TNR: variants seen among roughly 807,000 people sequenced by gnomAD.
TNR encodes tenascin R, also known as tenascin-R.
A neutral mutation model predicts 150.4 loss-of-function variants in TNR; 45 were observed. That is an observed-to-expected ratio of 0.30 (90% CI 0.24 to 0.38). The LOEUF is 0.38. Ranked by LOEUF, TNR falls within the 10% of genes least tolerant of loss-of-function variation. The probability of loss-of-function intolerance (pLI) is 1.00; values close to 1 mark genes in which losing one functional copy is unlikely to be tolerated. For missense variants in TNR, 1,544 were observed against 1,759.1 expected, an observed-to-expected ratio of 0.88 and a Z score of 2.19; for synonymous variants, 687 against 678.4, an observed-to-expected ratio of 1.01 and a Z score of -0.20.
intron 1 of TNR, among the ~76,000 whole-genome samples, chr1:175,557,799 G>C (rs1330438133): frequency 1.5e-5 from 2 of 132,532 alleles, no homozygotes; most frequent in East Asian, 2.2e-4. Flanking sequence ...TATAAATCAT[G>C]CTGCTATAAA....
At chr1:175,468,198 A>G (rs1229809750) in intron 2 of TNR, among the ~76,000 whole-genome samples, 1 of 152,204 alleles carries the variant, frequency 6.6e-6, no homozygotes, top group Non-Finnish European at 1.5e-5. Context: ...TGAAGGAGAT[A>G]GCACAGAGTG....
At chr1:175,325,261 T>TA (rs919338189) in intron 21 of TNR, among the ~76,000 whole-genome samples, 55 of 152,118 alleles carry the variant, frequency 3.6e-4, no homozygotes, top group African/African-American at 1.2e-3. Flanking sequence ...AACAGACACA[T>TA]AAAAAATGCT....
rs1660845040 is a variant in TNR at position 175,549,377 on chromosome 1, CA to C, written c.-164-21009del. 2.0e-5 allele frequency among the ~76,000 whole-genome samples: 3 copies of C among 152,322 alleles called. No individual in the cohort carries two copies. The South Asian group carries it at 6.2e-4, about 32-fold the overall frequency. Reference sequence around the variant, plus strand: ...GATGAGGGTATGAGAACCTTCTAATCAAACACGGTGGATTAGACATACATAG... The same window carrying C: ...GATGAGGGTATGAGAACCTTCTAATCAACACGGTGGATTAGACATACATAG... On this transcript the variant is annotated intron_variant, in intron 1 of 22. Coordinates refer to ENST00000367674, the MANE Select transcript of TNR (RefSeq NM_003285.3).
chr1:175,358,962 G>T (rs908821045), intron 15 of TNR, among the ~76,000 whole-genome samples: 1 of 152,010 alleles, frequency 6.6e-6, no homozygotes, highest in Non-Finnish European at 1.5e-5. Context: ...AGAAAAGCCT[G>T]CTTTCTTGTT....
At chr1:175,391,504 A>C in intron 6 of TNR, 66 bp from the exon 7 acceptor site, 1 of 1,535,760 alleles carries the variant, frequency 6.5e-7, no homozygotes, top group Non-Finnish European at 8.9e-7. Flanking sequence ...TGATGAGAGA[A>C]AGATAAAGGT....
intron 2 of TNR, among the ~76,000 whole-genome samples, chr1:175,516,250 T>G (rs1346603124): frequency 1.3e-5 from 2 of 152,200 alleles, no homozygotes; most frequent in African/African-American, 4.8e-5. Flanking sequence ...TTGATACAAA[T>G]GATTTGTTTC....
chr1:175,476,829 G>A (rs1657562188), intron 2 of TNR, among the ~76,000 whole-genome samples: 1 of 152,198 alleles, frequency 6.6e-6, no homozygotes, highest in Non-Finnish European at 1.5e-5. Context: ...AACTCTGGAA[G>A]CTCAGAATGT....
At chr1:175,475,903 T>C (rs1318240161) in intron 2 of TNR, among the ~76,000 whole-genome samples, 2 of 152,230 alleles carry the variant, frequency 1.3e-5, no homozygotes, top group Admixed American at 1.3e-4. Context: ...AGTATCTAAC[T>C]TCCCCTCTAA....
chr1:175,352,403 C>T (rs1651093487), intron 18 of TNR, among the ~76,000 whole-genome samples: 1 of 152,214 alleles, frequency 6.6e-6, no homozygotes, highest in Non-Finnish European at 1.5e-5. Context: ...AAGTGTCTGT[C>T]ATCTGTGTCC....
At chr1:175,578,073 T>A (rs572788384) in intron 1 of TNR, among the ~76,000 whole-genome samples, 6 of 152,232 alleles carry the variant, frequency 3.9e-5, no homozygotes, top group Non-Finnish European at 8.8e-5. Context: ...GCTCAATATA[T>A]GTTAGCGCTT....
intron 15 of TNR, 130 bp downstream of exon 15, chr1:175,359,482 C>T (rs375397304): frequency 1.4e-6 from 2 of 1,440,290 alleles, no homozygotes; most frequent in Non-Finnish European, 9.6e-7. Flanking sequence ...TCATAGTATA[C>T]CTGAAGTAGG....
At chr1:175,477,073 A>G (rs111905167) in intron 2 of TNR, among the ~76,000 whole-genome samples, 3 of 152,346 alleles carry the variant, frequency 2.0e-5, no homozygotes, top group South Asian at 2.1e-4. Flanking sequence ...CTAGCAAAAT[A>G]TAAGGGAAAA....
chr1:175,335,100 G>A (rs966341458), intron 20 of TNR, among the ~76,000 whole-genome samples: 10 of 152,250 alleles, frequency 6.6e-5, no homozygotes, highest in African/African-American at 2.2e-4. Context: ...AACTAAGAGG[G>A]GGACACAGGT....
chr1:175,518,327 A>G (rs1659497340), intron 2 of TNR, among the ~76,000 whole-genome samples: 1 of 152,178 alleles, frequency 6.6e-6, no homozygotes, highest in South Asian at 2.1e-4. Flanking sequence ...GGCCAGGTCT[A>G]GTGAACGTCT....
chr1:175,402,811 T>C (rs1653775586), intron 4 of TNR, among the ~76,000 whole-genome samples: 2 of 152,150 alleles, frequency 1.3e-5, no homozygotes, highest in Non-Finnish European at 2.9e-5. Flanking sequence ...GGTGGTCCCA[T>C]GACTTCACTG....
intron 1 of TNR, among the ~76,000 whole-genome samples, chr1:175,563,528 C>A (rs1571612528): frequency 6.6e-6 from 1 of 152,188 alleles, no homozygotes; most frequent in East Asian, 1.9e-4. Flanking sequence ...CCAATTTCTC[C>A]CTTTGCTTAG....
intron 1 of TNR, among the ~76,000 whole-genome samples, chr1:175,575,892 A>C (rs1662089704): frequency 1.3e-5 from 2 of 152,156 alleles, no homozygotes; most frequent in Non-Finnish European, 2.9e-5. Context: ...CCAGTGGAAA[A>C]GTCATCCTCC....
intron 2 of TNR, among the ~76,000 whole-genome samples, chr1:175,526,909 C>A (rs1375114291): frequency 1.3e-5 from 2 of 152,206 alleles, no homozygotes; most frequent in Non-Finnish European, 2.9e-5. Context: ...AAGCTATGTT[C>A]TCCTGTGAGG....
intron 2 of TNR, among the ~76,000 whole-genome samples, chr1:175,473,600 C>G (rs1025513132): frequency 2.0e-5 from 3 of 152,114 alleles, no homozygotes; most frequent in Admixed American, 2.0e-4. Flanking sequence ...TGGCCAAGGC[C>G]CAAATGTCTA....
Sources: allele counts gnomAD v4.1 joint callset (sites outside exome capture counted in the v4.1 genomes callset), GRCh38; gene constraint gnomAD v4.1.1; transcripts MANE v1.5; gene names NCBI Gene and HGNC (gene_info 2026-07-23, HGNC 2026-07-21).